KIF6: variants seen among roughly 807,000 people sequenced by gnomAD.
KIF6 encodes kinesin family member 6, also known as kinesin-like protein KIF6.
In KIF6, 106 loss-of-function variants were observed where a neutral mutation model predicts 112.7. That is an observed-to-expected ratio of 0.94 (90% CI 0.80 to 1.11). The LOEUF is 1.11. KIF6 is among the 50% of genes least tolerant of loss of function. The pLI is 0.00. For missense variants in KIF6, 929 were observed against 964.0 expected, an observed-to-expected ratio of 0.96 and a Z score of 0.48; for synonymous variants, 339 against 339.9, an observed-to-expected ratio of 1.00 and a Z score of 0.03.
At chr6:39,420,856 C>A (rs1770311625) in intron 14 of KIF6, among the ~76,000 whole-genome samples, 1 of 152,016 alleles carries the variant, frequency 6.6e-6, no homozygotes, top group African/African-American at 2.4e-5. Flanking sequence ...AGATGCATAC[C>A]TTTGATGGCT....
At chr6:39,722,661 A>G (rs1246775906) in intron 1 of KIF6, among the ~76,000 whole-genome samples, 3 of 152,234 alleles carry the variant, frequency 2.0e-5, no homozygotes, top group African/African-American at 4.8e-5. Flanking sequence ...GTCACTCTCA[A>G]TTTAATACTA....
At chr6:39,601,135 T>C (rs1782547392) in intron 6 of KIF6, among the ~76,000 whole-genome samples, 1 of 152,144 alleles carries the variant, frequency 6.6e-6, no homozygotes, top group Non-Finnish European at 1.5e-5. Context: ...ATCATTGTCA[T>C]TAAAATGTCT....
At chr6:39,622,194 T>C (rs1783861286) in intron 5 of KIF6, among the ~76,000 whole-genome samples, 1 of 151,780 alleles carries the variant, frequency 6.6e-6, no homozygotes, top group Non-Finnish European at 1.5e-5. Flanking sequence ...ACAAAGAAAT[T>C]GAACCTATTT....
Position 39,725,246 on chromosome 6 carries a change from C to A in KIF6, c.65G>T (p.Gly22Val), listed in dbSNP as rs1790475693. 1 of 1,609,344 alleles carries A rather than the reference C, an allele frequency of 6.2e-7. No individual in the cohort carries two copies. Among genetic ancestry groups the A allele is most frequent in the African/African-American group, 1.4e-5 (1 of 74,062 alleles). ...VKPPVRKHQQ[G>V]IYSIDEDEKL... ...CGCCCCGGAGGCTCCAGCCCGTACC[C>A]CTTGTTGGTGCTTCCGGACAGGGGG... is the stretch of plus-strand genomic sequence containing the variant. Residue 22 changes from glycine (G) to valine (V), a missense_variant and splice_region_variant, in exon 1 of 23, where the codon GGG (glycine) becomes GTG (valine). Physicochemically the swap from Gly to Val is moderately radical, Grantham distance 109. This residue lies in a region of KIF6 where 688 missense variants were observed against 662.7 expected (regional missense o/e 1.04). Transcript: ENST00000287152.
chr6:39,397,806 G>C (rs532636570), intron 15 of KIF6, among the ~76,000 whole-genome samples: 1 of 152,266 alleles, frequency 6.6e-6, no homozygotes, highest in African/African-American at 2.4e-5. Flanking sequence ...AGCAGGGGGA[G>C]CGGGAAATCA....
At chr6:39,472,153 A>C (rs543592582) in intron 13 of KIF6, among the ~76,000 whole-genome samples, 1 of 152,180 alleles carries the variant, frequency 6.6e-6, no homozygotes, top group Admixed American at 6.5e-5. Flanking sequence ...CATGCCCTAC[A>C]GTCTGGTTTC....
At chr6:39,502,374 T>TAA (rs201244949) in intron 13 of KIF6, among the ~76,000 whole-genome samples, 1 of 150,686 alleles carries the variant, frequency 6.6e-6, no homozygotes, top group African/African-American at 2.4e-5. Context: ...TACCAGCCAC[T>TAA]AAAAAAAACA....
intron 3 of KIF6, among the ~76,000 whole-genome samples, chr6:39,663,006 C>T (rs1451225503): frequency 6.6e-6 from 1 of 151,892 alleles, no homozygotes; most frequent in Non-Finnish European, 1.5e-5. Flanking sequence ...TTGATCCTCC[C>T]ACTTCAGCCT....
chr6:39,433,436 A>G (rs1018367672), intron 13 of KIF6, among the ~76,000 whole-genome samples: 1 of 152,186 alleles, frequency 6.6e-6, no homozygotes, highest in Non-Finnish European at 1.5e-5. Context: ...AAGACTTACA[A>G]TGGAATAAAG....
At chr6:39,677,610 C>T (rs190757878) in intron 3 of KIF6, among the ~76,000 whole-genome samples, 10,429 of 144,476 alleles carry the variant, frequency 0.072, 480 homozygotes, top group South Asian at 0.17. Context: ...TATACATGTG[C>T]CATGCTGGTG....
chr6:39,651,837 C>T (rs904084757), intron 3 of KIF6, among the ~76,000 whole-genome samples: 6 of 152,162 alleles, frequency 3.9e-5, no homozygotes, highest in African/African-American at 1.2e-4. Flanking sequence ...GGATACACAA[C>T]GATCTAATGA....
chr6:39,488,692 T>G (rs1220991266), intron 13 of KIF6, among the ~76,000 whole-genome samples: 1 of 152,224 alleles, frequency 6.6e-6, no homozygotes, highest in Non-Finnish European at 1.5e-5. Context: ...ATGCAAATAT[T>G]TGTCTAGCCA....
At chr6:39,443,948 T>TTAACATACCCCAAACAGAAC (rs1772139341) in intron 13 of KIF6, among the ~76,000 whole-genome samples, 1 of 152,234 alleles carries the variant, frequency 6.6e-6, no homozygotes. Context: ...TTTGTGTGTC[T>TTAACATACCCCAAACAGAAC]TCCATGTGAC....
chr6:39,674,005 T>A (rs1297194946), intron 3 of KIF6, among the ~76,000 whole-genome samples: 1 of 152,144 alleles, frequency 6.6e-6, no homozygotes, highest in Non-Finnish European at 1.5e-5. Flanking sequence ...TATCTGGTAC[T>A]ATTCTTTTGG....
intron 1 of KIF6, among the ~76,000 whole-genome samples, chr6:39,724,097 T>C (rs1221177175): frequency 6.6e-6 from 1 of 152,186 alleles, no homozygotes; most frequent in Non-Finnish European, 1.5e-5. Context: ...TTTCTCAAGA[T>C]ACATAAGAAT....
chr6:39,628,452 C>A (rs1784199472), intron 5 of KIF6, among the ~76,000 whole-genome samples: 1 of 151,986 alleles, frequency 6.6e-6, no homozygotes, highest in South Asian at 2.1e-4. Flanking sequence ...TATCCAGAGC[C>A]ACAGTGAAGA....
At chr6:39,531,839 G>C (rs1339598113) in intron 13 of KIF6, among the ~76,000 whole-genome samples, 1 of 152,072 alleles carries the variant, frequency 6.6e-6, no homozygotes, top group Non-Finnish European at 1.5e-5. Flanking sequence ...CTTCTGCTAT[G>C]GCCTCCTAAC....
At chr6:39,542,576 T>C (rs530391546) in intron 12 of KIF6, among the ~76,000 whole-genome samples, 2 of 152,212 alleles carry the variant, frequency 1.3e-5, no homozygotes, top group Non-Finnish European at 2.9e-5. Context: ...AAGAAAGATA[T>C]GAAAACATCC....
At chr6:39,675,066 C>G (rs1365040109) in intron 3 of KIF6, among the ~76,000 whole-genome samples, 1 of 151,974 alleles carries the variant, frequency 6.6e-6, no homozygotes, top group African/African-American at 2.4e-5. Flanking sequence ...AAATATAATA[C>G]ATACTCCTTT....
Sources: allele counts gnomAD v4.1 joint callset (sites outside exome capture counted in the v4.1 genomes callset), GRCh38; gene constraint gnomAD v4.1.1; regional missense constraint gnomAD v4.1.1; transcripts MANE v1.5; gene names NCBI Gene and HGNC (gene_info 2026-07-23, HGNC 2026-07-21).